NELL1: variants seen among roughly 807,000 people sequenced by gnomAD.
NELL1 encodes protein kinase C-binding protein NELL1.
A neutral mutation model predicts 107.4 loss-of-function variants in NELL1; 76 were observed. The observed-to-expected ratio is 0.71, with a 90% CI of 0.59 to 0.86. The LOEUF (loss-of-function observed/expected upper bound fraction) is 0.86, where lower values mean the gene tolerates loss of function less well. NELL1 is among the 40% of genes least tolerant of loss of function. The probability of loss-of-function intolerance (pLI) is 0.00; values close to 1 mark genes in which losing one functional copy is unlikely to be tolerated. For synonymous variants in NELL1, 353 were observed against 341.2 expected (o/e 1.03, Z -0.38); for missense variants, 1,024 against 1,005.5 (o/e 1.02, Z -0.25).
At chr11:21,100,702 A>G (rs1279429891) in intron 12 of NELL1, among the ~76,000 whole-genome samples, 1 of 152,146 alleles carries the variant, frequency 6.6e-6, no homozygotes, top group Non-Finnish European at 1.5e-5. Context: ...TCTAATCCCA[A>G]CCACATATAG....
At chr11:21,301,331 C>T (rs1240027929) in intron 14 of NELL1, among the ~76,000 whole-genome samples, 1 of 152,164 alleles carries the variant, frequency 6.6e-6, no homozygotes, top group African/African-American at 2.4e-5. Flanking sequence ...CTGTCTTCCA[C>T]AATGGTTGAA....
In NELL1 at chr11:21,139,894, G is replaced by T. The variant is rs1001104869; in HGVS notation, c.1426+26180G>T. Among the ~76,000 whole-genome samples, 5 of 152,266 alleles carry T rather than the reference G, an allele frequency of 3.3e-5. No individual in the cohort carries two copies. In the South Asian group the frequency reaches 8.3e-4, roughly 25 times the overall value. ...CACAAGGATGTCATCAAGGACCTGAGACCTTTCCTTTGTTCCCATTTTTTT... is the reference window on the plus strand; with the variant it reads ...CACAAGGATGTCATCAAGGACCTGATACCTTTCCTTTGTTCCCATTTTTTT... On this transcript the variant is annotated intron_variant, in intron 13 of 19. Transcript: ENST00000357134.
At chr11:20,743,180 G>A (rs1046212093) in intron 2 of NELL1, among the ~76,000 whole-genome samples, 14 of 151,840 alleles carry the variant, frequency 9.2e-5, no homozygotes, top group Admixed American at 7.9e-4. Context: ...TGGTGATCTC[G>A]CCATCTCCAC....
chr11:20,686,384 G>C (rs1854305347), intron 2 of NELL1, among the ~76,000 whole-genome samples: 1 of 151,974 alleles, frequency 6.6e-6, no homozygotes, highest in Non-Finnish European at 1.5e-5. Context: ...TTTTCTTCTT[G>C]CTTGAAATAA....
intron 15 of NELL1, among the ~76,000 whole-genome samples, chr11:21,420,456 A>G (rs55990239): frequency 0.03 from 4,616 of 152,260 alleles, 249 homozygotes; most frequent in African/African-American, 0.1. Context: ...AAAATGCAAA[A>G]CATGTCAATA....
chr11:20,897,707 A>C (rs1052640403), intron 5 of NELL1, among the ~76,000 whole-genome samples: 9 of 152,196 alleles, frequency 5.9e-5, no homozygotes, highest in Non-Finnish European at 1.0e-4. Context: ...CAATGAACTC[A>C]AACAAATTTA....
At chr11:21,158,228 G>A (rs1418162903) in intron 13 of NELL1, among the ~76,000 whole-genome samples, 2 of 152,174 alleles carry the variant, frequency 1.3e-5, no homozygotes, top group Non-Finnish European at 2.9e-5. Context: ...GAGACTGAAG[G>A]CTTCACTTCC....
chr11:21,493,203 C>T (rs1350504656), intron 15 of NELL1, among the ~76,000 whole-genome samples: 1 of 152,016 alleles, frequency 6.6e-6, no homozygotes. Flanking sequence ...AAAAGCAGAA[C>T]CACCATATGA....
intron 13 of NELL1, among the ~76,000 whole-genome samples, chr11:21,200,758 T>C (rs1290767030): frequency 2.0e-5 from 3 of 152,240 alleles, no homozygotes; most frequent in Non-Finnish European, 2.9e-5. Context: ...AGGGTTTTTA[T>C]GGTTTTAGGT....
intron 13 of NELL1, among the ~76,000 whole-genome samples, chr11:21,148,030 T>C (rs1022073262): frequency 6.6e-6 from 1 of 152,070 alleles, no homozygotes; most frequent in South Asian, 2.1e-4. Context: ...TGGGCCTCCC[T>C]GGGGCAGGCC....
intron 4 of NELL1, among the ~76,000 whole-genome samples, chr11:20,853,141 G>A (rs1848822199): frequency 6.6e-6 from 1 of 152,190 alleles, no homozygotes; most frequent in Admixed American, 6.5e-5. Flanking sequence ...TTATCTCACA[G>A]GCATAACAGT....
intron 14 of NELL1, among the ~76,000 whole-genome samples, chr11:21,269,754 C>T (rs554642058): frequency 5.9e-5 from 9 of 151,418 alleles, no homozygotes; most frequent in African/African-American, 2.2e-4. Context: ...GAAAGAGCAT[C>T]AGCGAAAGAA....
chr11:21,404,009 C>CT (rs768666399), intron 15 of NELL1, among the ~76,000 whole-genome samples: 1 of 107,480 alleles, frequency 9.3e-6, no homozygotes, highest in African/African-American at 3.4e-5. Context: ...TCCTGAACCC[C>CT]CCCCCCCGCA....
intron 8 of NELL1, 62 bp downstream of exon 8, chr11:20,927,504 G>C: frequency 1.4e-6 from 2 of 1,478,750 alleles, no homozygotes; most frequent in South Asian, 1.2e-5. Context: ...TTGATAATTA[G>C]AGTGTAACCT....
intron 15 of NELL1, among the ~76,000 whole-genome samples, chr11:21,397,039 C>T (rs185479822): frequency 4.6e-5 from 7 of 151,762 alleles, no homozygotes; most frequent in Admixed American, 4.0e-4. Flanking sequence ...AGGACATTAT[C>T]ATCTTTCTAT....
At chr11:21,481,346 G>T (rs148329380) in intron 15 of NELL1, among the ~76,000 whole-genome samples, 1 of 152,238 alleles carries the variant, frequency 6.6e-6, no homozygotes, top group Non-Finnish European at 1.5e-5. Context: ...GTGAAATGAT[G>T]AAAGTTCCAT....
At chr11:20,800,421 T>G (rs774530337) in intron 3 of NELL1, among the ~76,000 whole-genome samples, 3 of 152,178 alleles carry the variant, frequency 2.0e-5, no homozygotes, top group Non-Finnish European at 4.4e-5. Flanking sequence ...TTCATTGTGG[T>G]TTTGATTTTT....
chr11:21,507,346 A>T (rs1473908580), intron 15 of NELL1, among the ~76,000 whole-genome samples: 1 of 152,228 alleles, frequency 6.6e-6, no homozygotes, highest in African/African-American at 2.4e-5. Flanking sequence ...CTCTTGTGAC[A>T]TTTGGCAGCA....
chr11:21,303,884 C>G (rs1030905062), intron 14 of NELL1, among the ~76,000 whole-genome samples: 5 of 152,014 alleles, frequency 3.3e-5, no homozygotes, highest in Admixed American at 2.0e-4. Flanking sequence ...GGTGGTGCCT[C>G]ATTGCTGAGT....
Sources: gnomAD v4.1 joint callset for allele counts (sites outside exome capture counted in the v4.1 genomes callset) on GRCh38, gnomAD v4.1.1 for gene constraint, MANE v1.5 for transcripts, NCBI Gene and HGNC (gene_info 2026-07-23, HGNC 2026-07-21) for gene names.